Variants in ANKS6 observed in about 807,000 individuals in gnomAD.
ANKS6 encodes ankyrin repeat and SAM domain-containing protein 6.
A neutral mutation model predicts 77.9 loss-of-function variants in ANKS6; 47 were observed. The ratio of observed to expected loss-of-function variants is 0.60; its 90% CI spans 0.48 to 0.77. The LOEUF (loss-of-function observed/expected upper bound fraction) is 0.77, where lower values mean the gene tolerates loss of function less well. Among genes scored for constraint, ANKS6 ranks in the 30% least tolerant of loss-of-function variants. The probability of loss-of-function intolerance (pLI) is 0.00; values close to 1 mark genes in which losing one functional copy is unlikely to be tolerated. For synonymous variants in ANKS6, 488 were observed against 501.7 expected, an observed-to-expected ratio of 0.97 and a Z score of 0.37; for missense variants, 1,150 against 1,159.1, an observed-to-expected ratio of 0.99 and a Z score of 0.11.
intron 10 of ANKS6, among the ~76,000 whole-genome samples, chr9:98,768,675 C>G (rs1460120722): frequency 6.6e-6 from 1 of 152,146 alleles, no homozygotes; most frequent in Non-Finnish European, 1.5e-5. Context: ...GTGATTGGTC[C>G]CTCACCCTTT....
intron 6 of ANKS6, among the ~76,000 whole-genome samples, chr9:98,779,266 T>C (rs1040538243): frequency 6.6e-6 from 1 of 152,044 alleles, no homozygotes; most frequent in African/African-American, 2.4e-5. Context: ...AAAGAGAAAG[T>C]CTCAGCTTGC....
chr9:98,780,746 C>T (rs1266754595), intron 5 of ANKS6, among the ~76,000 whole-genome samples: 1 of 152,180 alleles, frequency 6.6e-6, no homozygotes, highest in African/African-American at 2.4e-5. Context: ...CTTATCAATT[C>T]ACGGGAATTC....
chr9:98,739,321 A>C (rs1395716938), intron 14 of ANKS6, among the ~76,000 whole-genome samples: 1 of 152,210 alleles, frequency 6.6e-6, no homozygotes, highest in Non-Finnish European at 1.5e-5. Context: ...AACGAATAGA[A>C]ACTGGGCTGG....
At position 98,768,081 on chromosome 9, in the gene ANKS6, C is replaced by G; in HGVS notation, c.2142G>C (p.Lys714Asn). ...SPAGGSAPVG[K>N]KLETSKRPPS... ...GGAGGAGGCCACACAAAACAAGCAC[C>G]TTGCCAACAGGAGCGCTGCCACCTG... is the stretch of plus-strand genomic sequence containing the variant. The change falls in exon 11 of 15, where the codon AAG (lysine) becomes AAC (asparagine). Residue 714 changes from lysine (K) to asparagine (N), a missense_variant and splice_region_variant. Coordinates refer to ENST00000353234, the MANE Select transcript of ANKS6 (RefSeq NM_173551.5). 2.5e-6 allele frequency: 4 copies of G among 1,605,352 alleles called. No homozygotes were observed. Among genetic ancestry groups the G allele is most frequent in the Non-Finnish European group, 2.6e-6 (3 of 1,176,350 alleles).
At position 98,732,476 on chromosome 9, in the gene ANKS6, G is replaced by C. The variant is rs780121761; in HGVS notation, c.*4043C>G. 1 of 1,549,916 alleles carries C rather than the reference G, an allele frequency of 6.5e-7. No individual in the cohort carries two copies. The highest frequency in any genetic ancestry group is 1.4e-5 in the African/African-American group (1 of 73,048). On this transcript the variant is annotated 3_prime_UTR_variant, in exon 15 of 15. Transcript: ENST00000353234. The stretch of plus-strand genomic sequence containing the variant: ...GCCACTCCTCACTTCTGTGGGCTCC[G>C]ATGCCAGCAGAGCCACCTGAGCGGC...
chr9:98,778,321 G>A lies in ANKS6; in HGVS notation c.1472C>T (p.Pro491Leu). ...CATTGTGGAGTCCAGAGCTGGCTCA[G>A]GCTCGTCAGAGAAAGGCAAAGGCTG... is the stretch of plus-strand genomic sequence containing the variant. The part of the protein sequence containing the change: ...SNQPLPFSDE[P>L]EPALDSTMRA... The change falls in exon 7 of 15, where the codon CCT (proline) becomes CTT (leucine). Residue 491 changes from proline to leucine, a missense_variant. Coordinates refer to ENST00000353234, the MANE Select transcript of ANKS6 (RefSeq NM_173551.5). 1 of 1,614,226 alleles carries A rather than the reference G, an allele frequency of 6.2e-7. No homozygotes were observed. Among genetic ancestry groups the A allele is most frequent in the Non-Finnish European group, 8.5e-7 (1 of 1,180,048 alleles).
Position 98,791,184 on chromosome 9 carries a change from G to A in ANKS6, c.360-578C>T, listed in dbSNP as rs1478058973. Among the ~76,000 whole-genome samples, 1 of 152,072 alleles carries A rather than the reference G, an allele frequency of 6.6e-6. No individual in the cohort carries two copies. The highest frequency in any genetic ancestry group is 1.5e-5 in the Non-Finnish European group (1 of 68,014). On this transcript the variant is annotated intron_variant, in intron 1 of 14. Coordinates refer to ENST00000353234, the MANE Select transcript of ANKS6 (RefSeq NM_173551.5). This position sits in a 1 kb window ranked among gnomAD's most constrained non-coding sequence, Gnocchi z 4.3. ...ATTCTGCTTTATAGCCTGGGAATCTGTCTCTCTGCCTGTGCTCTAATTTCC... is the reference window on the plus strand; with the variant it reads ...ATTCTGCTTTATAGCCTGGGAATCTATCTCTCTGCCTGTGCTCTAATTTCC...
intron 14 of ANKS6, among the ~76,000 whole-genome samples, chr9:98,742,359 G>A (rs771016035): frequency 2.0e-5 from 3 of 152,240 alleles, no homozygotes; most frequent in Non-Finnish European, 2.9e-5. Context: ...ACCGACTCTT[G>A]GAAGCCACCT....
Position 98,733,708 on chromosome 9 carries a change from G to C in ANKS6, c.*2811C>G, listed in dbSNP as rs1468632793. 3 of 985,340 alleles carry C rather than the reference G, an allele frequency of 3.0e-6. No homozygotes were observed. In the African/African-American group the frequency reaches 5.2e-5, roughly 17 times the overall value. 61.0% of individuals were successfully genotyped at this position (985,340 alleles called of 1,614,324 possible). ...GTTTCTTGGCCCTGTGAAGAGGCCT[G>C]ACCCATGCTGGCATGCTGAAGGTTG... On this transcript the variant is annotated 3_prime_UTR_variant, in exon 15 of 15. Coordinates refer to ENST00000353234, the MANE Select transcript of ANKS6 (RefSeq NM_173551.5).
intron 9 of ANKS6, among the ~76,000 whole-genome samples, chr9:98,773,105 G>T (rs1055581098): frequency 6.6e-6 from 1 of 152,194 alleles, no homozygotes; most frequent in Non-Finnish European, 1.5e-5. Flanking sequence ...CTACCTGATC[G>T]AGAATAGTGG....
intron 1 of ANKS6, among the ~76,000 whole-genome samples, chr9:98,794,800 CA>C (rs1835088708): frequency 6.6e-6 from 1 of 152,122 alleles, no homozygotes; most frequent in East Asian, 1.9e-4. Context: ...CCAAACCTAC[CA>C]TACAAGAGAA....
At chr9:98,739,079 G>A (rs1445420098) in intron 14 of ANKS6, among the ~76,000 whole-genome samples, 1 of 150,840 alleles carries the variant, frequency 6.6e-6, no homozygotes, top group East Asian at 2.0e-4. Flanking sequence ...AGGATGCAAA[G>A]GCATTAAGAA....
rs543526908 is a variant in ANKS6 at position 98,738,858 on chromosome 9, A to G, written c.2512-2235T>C. ...ATGGAACCAACCCAAATGCCCACCA[A>G]TCATCGAGTGGATAAAGAAAACTGT... On this transcript the variant is annotated intron_variant, in intron 14 of 14. Transcript: ENST00000353234. 1.6e-3 allele frequency among the ~76,000 whole-genome samples: 250 copies of G among 152,330 alleles called. 1 individual carries two copies. The highest frequency in any genetic ancestry group is 5.8e-3 in the African/African-American group (240 of 41,568).
Position 98,796,230 on chromosome 9 carries a change from C to T in ANKS6, c.262G>A (p.Gly88Arg). 1.4e-6 allele frequency: 2 copies of T among 1,405,802 alleles called. No individual in the cohort carries two copies. The highest frequency in any genetic ancestry group is 1.9e-6 in the Non-Finnish European group (2 of 1,077,854). The allele number at this position is 1,405,802 out of a possible 1,614,324, so 87.1% of individuals were successfully genotyped here. ...GNTALQFAAA[G>R]GHEPLVRFLL... is the part of the protein sequence containing the mutation. ...AAGCGCACCAGCGGTTCGTGGCCCCCGGCCGCGGCGAACTGCAGTGCGGTG... is the reference window on the plus strand; with the variant it reads ...AAGCGCACCAGCGGTTCGTGGCCCCTGGCCGCGGCGAACTGCAGTGCGGTG... Residue 88 changes from glycine (G) to arginine (R), a missense_variant, in exon 1 of 15, where the codon GGG becomes AGG. Transcript: ENST00000353234.
intron 10 of ANKS6, among the ~76,000 whole-genome samples, chr9:98,768,852 G>A (rs531127348): frequency 6.0e-4 from 91 of 152,250 alleles, no homozygotes; most frequent in African/African-American, 2.0e-3. Flanking sequence ...TAAAGGGGCC[G>A]GGTGCAGTGG....
At chr9:98,787,022 T>A (rs779484594) in intron 2 of ANKS6, among the ~76,000 whole-genome samples, 30 of 152,112 alleles carry the variant, frequency 2.0e-4, no homozygotes, top group Non-Finnish European at 3.5e-4. Flanking sequence ...ACAACCTCAG[T>A]GGGGAGTCAG....
In ANKS6 at chr9:98,735,921, GTGACT is replaced by G; in HGVS notation, c.*593_*597del. 8.1e-7 allele frequency: 1 copy of G among 1,231,198 alleles called. No homozygotes were observed. The highest frequency in any genetic ancestry group is 3.2e-5 in the East Asian group (1 of 31,630). 76.3% of individuals were successfully genotyped at this position (1,231,198 alleles called of 1,614,324 possible). A position where few individuals can be genotyped will look rare whatever the true frequency, so the allele number is the denominator to read the frequency against. ...GGTCAAAAAAGACTTCATCTGAGAG[GTGACT>G]TGGACTAGGAGGGGCAAGTTAGAAG... is the stretch of plus-strand genomic sequence containing the variant. On this transcript the variant is annotated 3_prime_UTR_variant, in exon 15 of 15. Coordinates refer to ENST00000353234, the MANE Select transcript of ANKS6 (RefSeq NM_173551.5).
At chr9:98,777,372 C>T (rs1466049131) in intron 8 of ANKS6, 33 bp downstream of exon 8, 2 of 1,608,238 alleles carry the variant, frequency 1.2e-6, no homozygotes, top group Non-Finnish European at 8.5e-7. Flanking sequence ...TTGCCGGAGA[C>T]CTAAAATGCT....
intron 14 of ANKS6, among the ~76,000 whole-genome samples, chr9:98,737,175 GT>G (rs1234545464): frequency 2.6e-5 from 4 of 152,164 alleles, no homozygotes; most frequent in Admixed American, 2.0e-4. Context: ...TGAATGTTCT[GT>G]TAAGCCCAGA....
Sources: gnomAD v4.1 joint callset for allele counts (sites outside exome capture counted in the v4.1 genomes callset) on GRCh38, gnomAD v4.1.1 for gene constraint, Gnocchi (gnomAD v3.1) non-coding constraint, MANE v1.5 for transcripts, NCBI Gene and HGNC (gene_info 2026-07-23, HGNC 2026-07-21) for gene names.